Variants in PPP2R5E observed in about 807,000 individuals in gnomAD.
PPP2R5E encodes the protein serine/threonine-protein phosphatase 2A 56 kDa regulatory subunit epsilon isoform.
In PPP2R5E, 4 loss-of-function variants were observed where a neutral mutation model predicts 65.3. The ratio of observed to expected loss-of-function variants is 0.06; its 90% CI spans 0.03 to 0.14. The LOEUF is 0.14. Among genes scored for constraint, PPP2R5E ranks in the 10% least tolerant of loss-of-function variants. The pLI is 1.00. For synonymous variants in PPP2R5E, 183 were observed against 187.4 expected (o/e 0.98, Z 0.19); for missense variants, 274 against 556.1 (o/e 0.49, Z 5.10).
intron 3 of PPP2R5E, among the ~76,000 whole-genome samples, chr14:63,446,040 C>T (rs910111560): frequency 6.6e-6 from 1 of 152,186 alleles, no homozygotes; most frequent in African/African-American, 2.4e-5. Flanking sequence ...CCTTTGTTGT[C>T]ATTTCAACAA....
intron 2 of PPP2R5E, among the ~76,000 whole-genome samples, chr14:63,483,699 C>T (rs536081840): frequency 7.4e-4 from 113 of 152,136 alleles, no homozygotes; most frequent in Non-Finnish European, 1.4e-3. Context: ...ACAGGGGCCA[C>T]GCTAGAGACA....
intron 11 of PPP2R5E, among the ~76,000 whole-genome samples, chr14:63,386,292 T>A (rs996364498): frequency 6.6e-6 from 1 of 152,194 alleles, no homozygotes; most frequent in Non-Finnish European, 1.5e-5. Flanking sequence ...GTGCTAAGTG[T>A]CCCACATATA....
intron 2 of PPP2R5E, among the ~76,000 whole-genome samples, chr14:63,531,135 T>A (rs1893416329): frequency 6.6e-6 from 1 of 152,040 alleles, no homozygotes; most frequent in Non-Finnish European, 1.5e-5. Flanking sequence ...GCCATTGCGC[T>A]CCAGCCTGGG....
At chr14:63,532,745 G>A (rs1893489917) in intron 2 of PPP2R5E, among the ~76,000 whole-genome samples, 1 of 152,230 alleles carries the variant, frequency 6.6e-6, no homozygotes, top group South Asian at 2.1e-4. Flanking sequence ...CTAGTGGTAA[G>A]CTAGGACTCT....
intron 10 of PPP2R5E, among the ~76,000 whole-genome samples, chr14:63,390,204 A>G (rs759176282): frequency 1.2e-4 from 18 of 152,226 alleles, no homozygotes; most frequent in Non-Finnish European, 2.4e-4. Context: ...GCACTCATTA[A>G]TACAACAAAA....
chr14:63,447,513 G>A (rs761074165), intron 3 of PPP2R5E, among the ~76,000 whole-genome samples: 45 of 152,324 alleles, frequency 3.0e-4, no homozygotes, highest in Middle Eastern at 6.8e-3. Context: ...CTTGCTCTGG[G>A]TTAGGCTTTG....
At chr14:63,514,757 A>G (rs1892599136) in intron 2 of PPP2R5E, among the ~76,000 whole-genome samples, 2 of 152,202 alleles carry the variant, frequency 1.3e-5, no homozygotes, top group Admixed American at 6.5e-5. Context: ...CCTGACCTCA[A>G]AGATGGAAAT....
At position 63,372,913 on chromosome 14, in the gene PPP2R5E, A is replaced by G. The variant is rs967075482; in HGVS notation, c.*3096T>C. On this transcript the variant is annotated 3_prime_UTR_variant, in exon 14 of 14. Transcript: ENST00000337537. ...AGTATCCAGTGGCATCGAGGGTATT[A>G]TTTATTTCTTTTTTTTTCTTTTCTT... The G allele has an allele frequency of 6.6e-6, 1 of 152,134 alleles. No individual in the cohort carries two copies. Among genetic ancestry groups the G allele is most frequent in the African/African-American group, 2.4e-5 (1 of 41,424 alleles). The allele number at this position is 152,134 out of a possible 1,614,324, so 9.4% of individuals were successfully genotyped here. A position where few individuals can be genotyped will look rare whatever the true frequency, so the allele number is the denominator to read the frequency against.
At chr14:63,491,902 G>A (rs960777188) in intron 2 of PPP2R5E, among the ~76,000 whole-genome samples, 2 of 151,918 alleles carry the variant, frequency 1.3e-5, no homozygotes, top group African/African-American at 4.8e-5. Flanking sequence ...TTAAAATCTG[G>A]CTACTAGAAA....
chr14:63,423,311 A>C (rs1420442365), intron 3 of PPP2R5E, among the ~76,000 whole-genome samples: 3 of 152,146 alleles, frequency 2.0e-5, no homozygotes, highest in African/African-American at 7.2e-5. Flanking sequence ...TGGTCAGGCT[A>C]GTCTCGAACT....
At chr14:63,386,428 A>G (rs1884668233) in intron 11 of PPP2R5E, among the ~76,000 whole-genome samples, 1 of 152,224 alleles carries the variant, frequency 6.6e-6, no homozygotes, top group African/African-American at 2.4e-5. Context: ...GCAGATTCCA[A>G]AGTCTCTATT....
intron 3 of PPP2R5E, among the ~76,000 whole-genome samples, chr14:63,446,558 G>A (rs1378136353): frequency 2.0e-5 from 3 of 152,062 alleles, no homozygotes; most frequent in East Asian, 1.9e-4. Flanking sequence ...GGCCGGGCAC[G>A]GTGGCTCACG....
Position 63,453,891 on chromosome 14 carries a change from A to G in PPP2R5E, c.158-6T>C, listed in dbSNP as rs778831724. 1 of 1,420,476 alleles carries G rather than the reference A, an allele frequency of 7.0e-7. No individual in the cohort carries two copies. The highest frequency in any genetic ancestry group is 9.3e-7 in the Non-Finnish European group (1 of 1,078,904). The allele number at this position is 1,420,476 out of a possible 1,614,324, so 88.0% of individuals were successfully genotyped here. ...CTGCTCTGAGGATGGAACGTCTAAG[A>G]AAAAAAAAGGAAATGGTGTAAGTCT... On this transcript the variant is annotated splice_region_variant and splice_polypyrimidine_tract_variant and intron_variant, in intron 2 of 13. Coordinates refer to ENST00000337537, the MANE Select transcript of PPP2R5E (RefSeq NM_006246.5).
At chr14:63,473,076 A>G (rs1008572107) in intron 2 of PPP2R5E, among the ~76,000 whole-genome samples, 1 of 152,258 alleles carries the variant, frequency 6.6e-6, no homozygotes, top group African/African-American at 2.4e-5. Flanking sequence ...TTTTTAAATT[A>G]CATTAGATAT....
intron 4 of PPP2R5E, among the ~76,000 whole-genome samples, chr14:63,421,392 CAG>C (rs1381370651): frequency 6.6e-6 from 1 of 152,146 alleles, no homozygotes; most frequent in Non-Finnish European, 1.5e-5. Context: ...ATGCTGGAAA[CAG>C]AGATGCAGTG....
intron 2 of PPP2R5E, among the ~76,000 whole-genome samples, chr14:63,489,250 T>C (rs1011577441): frequency 6.6e-6 from 1 of 152,010 alleles, no homozygotes; most frequent in Non-Finnish European, 1.5e-5. Flanking sequence ...AAGTAAAAAA[T>C]GAACATAGAA....
chr14:63,531,007 C>T lies in PPP2R5E; in HGVS notation c.157+8522G>A, dbSNP rs1282638050. 2.6e-5 allele frequency among the ~76,000 whole-genome samples: 4 copies of T among 152,248 alleles called. No homozygotes were observed. The East Asian group carries it at 7.7e-4, about 29-fold the overall frequency. Reference sequence around the variant, plus strand: ...AGGATATATTAAAAAATGTATATTCCTTCCTAAAAGTGAATGAAATTATCT... The same window carrying T: ...AGGATATATTAAAAAATGTATATTCTTTCCTAAAAGTGAATGAAATTATCT... On this transcript the variant is annotated intron_variant, in intron 2 of 13. Coordinates refer to ENST00000337537, the MANE Select transcript of PPP2R5E (RefSeq NM_006246.5).
chr14:63,529,019 T>C (rs1341270577), intron 2 of PPP2R5E, among the ~76,000 whole-genome samples: 1 of 152,164 alleles, frequency 6.6e-6, no homozygotes, highest in Non-Finnish European at 1.5e-5. Context: ...AAACACTTTT[T>C]TTTCCAAGAG....
intron 3 of PPP2R5E, among the ~76,000 whole-genome samples, chr14:63,448,006 AG>A (rs1193422038): frequency 6.6e-6 from 1 of 152,214 alleles, no homozygotes; most frequent in Non-Finnish European, 1.5e-5. Flanking sequence ...CAATTAAAAT[AG>A]TAACTTCAGG....
Sources: gnomAD v4.1 joint callset for allele counts (sites outside exome capture counted in the v4.1 genomes callset) on GRCh38, gnomAD v4.1.1 for gene constraint, MANE v1.5 for transcripts, NCBI Gene and HGNC (gene_info 2026-07-23, HGNC 2026-07-21) for gene names.